Variants in SCMH1 observed in about 807,000 individuals in gnomAD.
The protein encoded by SCMH1 is polycomb protein SCMH1.
SCMH1 carries 37 observed loss-of-function variants against 70.8 expected under a neutral mutation model. That is an observed-to-expected ratio of 0.52 (90% CI 0.40 to 0.69). SCMH1 has a LOEUF of 0.69. Ranked by LOEUF, SCMH1 falls within the 30% of genes least tolerant of loss-of-function variation. The probability of loss-of-function intolerance (pLI) is 0.00; values close to 1 mark genes in which losing one functional copy is unlikely to be tolerated. For missense variants in SCMH1, 607 were observed against 827.3 expected, an observed-to-expected ratio of 0.73 and a Z score of 3.27; for synonymous variants, 292 against 307.4, an observed-to-expected ratio of 0.95 and a Z score of 0.52.
Position 41,113,229 on chromosome 1 carries a change from AGT to A in SCMH1, c.745+52_745+53del. 1.3e-6 allele frequency: 2 copies of A among 1,581,176 alleles called. No homozygotes were observed. Among genetic ancestry groups the A allele is most frequent in the Non-Finnish European group, 1.7e-6 (2 of 1,164,506 alleles). ...AGATATGATCATGACAGCCCTGGGT[AGT>A]CTCCCTTATCATCTGGGTCCTGATT... On this transcript the variant is annotated intron_variant, in intron 8 of 14. Transcript: ENST00000337495. The surrounding 1 kb of genome is among the most constrained non-coding windows in gnomAD (Gnocchi z 4.3).
intron 1 of SCMH1, among the ~76,000 whole-genome samples, chr1:41,188,823 G>C (rs1023021146): frequency 6.6e-6 from 1 of 152,096 alleles, no homozygotes; most frequent in African/African-American, 2.4e-5. Context: ...ATCATTTTAA[G>C]TGTTTACTAC....
intron 8 of SCMH1, among the ~76,000 whole-genome samples, chr1:41,089,894 C>T (rs1323201603): frequency 6.1e-5 from 9 of 148,350 alleles, no homozygotes; most frequent in African/African-American, 1.7e-4. Context: ...CAGGTTCAAG[C>T]GAGTCTCGTG....
intron 6 of SCMH1, among the ~76,000 whole-genome samples, chr1:41,141,605 CA>C (rs1433710031): frequency 6.6e-6 from 1 of 152,090 alleles, no homozygotes; most frequent in East Asian, 1.9e-4. Context: ...CTAGAGGACA[CA>C]GAAACATGTT....
At chr1:41,069,882 A>T (rs1359618648) in intron 10 of SCMH1, among the ~76,000 whole-genome samples, 1 of 152,206 alleles carries the variant, frequency 6.6e-6, no homozygotes, top group Non-Finnish European at 1.5e-5. Context: ...AGACATAATC[A>T]ACTCCTTCTA....
chr1:41,236,818 C>A (rs1226488189), intron 1 of SCMH1, among the ~76,000 whole-genome samples: 5 of 152,186 alleles, frequency 3.3e-5, no homozygotes, highest in Non-Finnish European at 5.9e-5. Context: ...AAAGTCTGTA[C>A]ATGTTCAGTA....
At chr1:41,075,173 CTT>C in intron 9 of SCMH1, 44 bp downstream of exon 9, 1 of 1,594,654 alleles carries the variant, frequency 6.3e-7, no homozygotes, top group Non-Finnish European at 8.6e-7. Flanking sequence ...CGAATGACCC[CTT>C]TATAAACCCT....
intron 10 of SCMH1, among the ~76,000 whole-genome samples, chr1:41,068,053 G>T (rs1655264879): frequency 6.6e-6 from 1 of 152,232 alleles, no homozygotes; most frequent in African/African-American, 2.4e-5. Flanking sequence ...CGGGGAAGTA[G>T]AGTATAAGCA....
intron 8 of SCMH1, among the ~76,000 whole-genome samples, chr1:41,106,222 C>T (rs777850531): frequency 4.0e-5 from 6 of 151,748 alleles, no homozygotes; most frequent in Admixed American, 1.3e-4. Flanking sequence ...CCAAATCTCA[C>T]GTCAAACTGT....
intron 2 of SCMH1, among the ~76,000 whole-genome samples, chr1:41,179,095 T>C (rs1647895781): frequency 6.6e-6 from 1 of 151,762 alleles, no homozygotes; most frequent in Non-Finnish European, 1.5e-5. Context: ...TCAAAACCGC[T>C]CAACTACATG....
At chr1:41,086,770 G>A (rs1408932136) in intron 8 of SCMH1, among the ~76,000 whole-genome samples, 1 of 151,852 alleles carries the variant, frequency 6.6e-6, no homozygotes, top group Non-Finnish European at 1.5e-5. Context: ...AACTAGCTGG[G>A]TGCAGCAGTG....
intron 8 of SCMH1, among the ~76,000 whole-genome samples, chr1:41,107,558 T>TTG (rs1278108114): frequency 6.6e-6 from 1 of 152,102 alleles, no homozygotes; most frequent in South Asian, 2.1e-4. Context: ...TCTTGCTCTG[T>TTG]CACCAGGCTG....
chr1:41,214,266 T>G (rs1177476032), intron 1 of SCMH1, among the ~76,000 whole-genome samples: 3 of 152,144 alleles, frequency 2.0e-5, no homozygotes, highest in Non-Finnish European at 4.4e-5. Flanking sequence ...TCCAAGAAAG[T>G]GACTCTATCT....
intron 10 of SCMH1, among the ~76,000 whole-genome samples, chr1:41,058,297 G>A (rs1055894493): frequency 6.6e-6 from 1 of 151,162 alleles, no homozygotes; most frequent in East Asian, 1.9e-4. Context: ...AGTATGTCTG[G>A]GGAAAATATG....
intron 1 of SCMH1, among the ~76,000 whole-genome samples, chr1:41,237,630 T>C (rs779292980): frequency 8.5e-5 from 13 of 152,218 alleles, no homozygotes; most frequent in Non-Finnish European, 1.3e-4. Context: ...AATACAATAC[T>C]CAAACCTGTG....
intron 1 of SCMH1, among the ~76,000 whole-genome samples, chr1:41,189,807 T>C (rs1200808702): frequency 3.3e-5 from 5 of 152,246 alleles, no homozygotes; most frequent in Non-Finnish European, 7.3e-5. Context: ...GAAAATGCCA[T>C]GACTTCCTTT....
At chr1:41,231,647 A>G (rs1661317167) in intron 1 of SCMH1, among the ~76,000 whole-genome samples, 1 of 152,202 alleles carries the variant, frequency 6.6e-6, no homozygotes, top group Admixed American at 6.5e-5. Context: ...ATATTTAGTC[A>G]TTATGTCTTC....
chr1:41,092,055 G>T (rs955603964), intron 8 of SCMH1, among the ~76,000 whole-genome samples: 1 of 152,098 alleles, frequency 6.6e-6, no homozygotes, highest in African/African-American at 2.4e-5. Context: ...AAAAGAGCCC[G>T]CATTGCCAAG....
At chr1:41,163,509 G>A (rs1216859010) in intron 2 of SCMH1, among the ~76,000 whole-genome samples, 1 of 152,204 alleles carries the variant, frequency 6.6e-6, no homozygotes, top group Non-Finnish European at 1.5e-5. Context: ...TGGAGAAAGG[G>A]TCTTCAAAGA....
intron 8 of SCMH1, among the ~76,000 whole-genome samples, chr1:41,107,538 T>G (rs1336517271): frequency 6.6e-6 from 1 of 152,084 alleles, no homozygotes; most frequent in East Asian, 1.9e-4. Context: ...TTTTCTTTCT[T>G]GAGACAGAGT....
Sources: allele counts gnomAD v4.1 joint callset (sites outside exome capture counted in the v4.1 genomes callset), GRCh38; gene constraint gnomAD v4.1.1; non-coding constraint Gnocchi (gnomAD v3.1); transcripts MANE v1.5; gene names NCBI Gene and HGNC (gene_info 2026-07-23, HGNC 2026-07-21).